The following HCK variants were observed in gnomAD, a reference collection of about 807,000 sequenced individuals.
HCK encodes tyrosine-protein kinase HCK.
In HCK, 40 loss-of-function variants were observed where a neutral mutation model predicts 70.4. That is an observed-to-expected ratio of 0.57 (90% CI 0.44 to 0.74). HCK has a LOEUF of 0.74. Ranked by LOEUF, HCK falls within the 30% of genes least tolerant of loss-of-function variation. The pLI is 0.00. For synonymous variants in HCK, 245 were observed against 263.2 expected (o/e 0.93, Z 0.67); for missense variants, 568 against 697.2 (o/e 0.81, Z 2.09).
intron 6 of HCK, 53 bp from the exon 7 acceptor site, chr20:32,083,841 G>A (rs6142605): frequency 6.2e-7 from 1 of 1,605,676 alleles, no homozygotes; most frequent in East Asian, 2.2e-5. Flanking sequence ...GCTAATGCAA[G>A]GTGGCAGGCC....
intron 1 of HCK, among the ~76,000 whole-genome samples, chr20:32,057,847 G>A (rs1264702872): frequency 6.6e-6 from 1 of 152,128 alleles, no homozygotes; most frequent in East Asian, 1.9e-4. Context: ...TCCCCCACAG[G>A]ACTGGGAGTT....
chr20:32,092,846 C>A (rs933707951), intron 10 of HCK, among the ~76,000 whole-genome samples: 1 of 152,182 alleles, frequency 6.6e-6, no homozygotes, highest in African/African-American at 2.4e-5. Flanking sequence ...TTATTATCAT[C>A]ATTCAGATCT....
At chr20:32,094,704 GAA>G (rs374983027) in intron 11 of HCK, among the ~76,000 whole-genome samples, 2 of 48,868 alleles carry the variant, frequency 4.1e-5, no homozygotes, top group Non-Finnish European at 7.3e-5. Flanking sequence ...GAAAAGAAAA[GAA>G]AAGAAAGAAA....
At chr20:32,052,624 C>A (rs1398853749) in intron 1 of HCK, 138 bp downstream of exon 1, 3 of 568,362 alleles carry the variant, frequency 5.3e-6, no homozygotes, top group African/African-American at 1.9e-5. Flanking sequence ...TCGGGGGAGC[C>A]GCGGGTAGCC....
rs1303771834 is a variant in HCK, at chr20:32,101,853, A to T, written c.*334A>T. The T allele has an allele frequency of 4.8e-6, 1 of 210,240 alleles. No homozygotes were observed. The allele number at this position is 210,240 out of a possible 1,614,324, so 13.0% of individuals were successfully genotyped here. On this transcript the variant is annotated 3_prime_UTR_variant, in exon 13 of 13. Transcript: ENST00000375852. ...AGATATAAATGCCAAAGTCTTTACC[A>T]AAACGTTGGTTTTCCTGTCCTTCCA...
chr20:32,054,564 T>C (rs1052701887), intron 1 of HCK, among the ~76,000 whole-genome samples: 2 of 130,580 alleles, frequency 1.5e-5, no homozygotes, highest in Non-Finnish European at 3.1e-5. Flanking sequence ...CCCAGCACTT[T>C]GGGAGGCTGA....
intron 5 of HCK, among the ~76,000 whole-genome samples, chr20:32,078,440 G>A (rs2045660055): frequency 6.6e-6 from 1 of 152,102 alleles, no homozygotes; most frequent in African/African-American, 2.4e-5. Flanking sequence ...GAGCAACATA[G>A]CATGGTGATT....
chr20:32,069,949 G>T (rs1407645734), intron 1 of HCK, among the ~76,000 whole-genome samples: 5 of 152,194 alleles, frequency 3.3e-5, no homozygotes, highest in Non-Finnish European at 1.5e-5. Flanking sequence ...TTATGTGGTT[G>T]TCACAGCCTG....
In HCK at chr20:32,066,331, T is replaced by TTTGA. The variant is rs60044994; in HGVS notation, c.63-5331_63-5330insTTGA. On this transcript the variant is annotated intron_variant, in intron 1 of 12. Transcript: ENST00000375852. ...TTTTTTTTTTTTTTTTTTTTTTTTTTGACAGAGTCTTGCTCTGTTTCCCAG... is the reference window on the plus strand; with the variant it reads ...TTTTTTTTTTTTTTTTTTTTTTTTTTTTGAGACAGAGTCTTGCTCTGTTTCCCAG... 4.9e-4 allele frequency among the ~76,000 whole-genome samples: 40 copies of TTTGA among 81,908 alleles called. 8 individuals are homozygous for TTTGA. Among genetic ancestry groups the TTTGA allele is most frequent in the African/African-American group, 1.4e-3 (32 of 23,164 alleles). The allele number at this position is 81,908 out of a possible 152,430, so 53.7% of individuals were successfully genotyped here.
At chr20:32,083,404 G>T (rs145919024) in intron 6 of HCK, among the ~76,000 whole-genome samples, 128 of 152,238 alleles carry the variant, frequency 8.4e-4, no homozygotes, top group Middle Eastern at 3.4e-3. Flanking sequence ...GGATTTCTGG[G>T]TTTTTTTCCA....
chr20:32,052,437 T>A lies in HCK; in HGVS notation c.13T>A (p.Ser5Thr), dbSNP rs957448914. ...AGGGGCTGCCGAGCTGGGGGGGCGCTCAAGCTGCGAGGATCCGGGCTGCCC... is the reference window on the plus strand; with the variant it reads ...AGGGGCTGCCGAGCTGGGGGGGCGCACAAGCTGCGAGGATCCGGGCTGCCC... The change falls in exon 1 of 13, where the codon TCA (serine) becomes ACA (threonine). Residue 5 changes from serine (S) to threonine (T), a missense_variant. Around this residue, in one of 4 missense-constraint regions of HCK, gnomAD observed 318 missense variants for 336.0 expected, o/e 0.95. Transcript: ENST00000375852. 37 of 1,280,934 alleles carry A rather than the reference T, an allele frequency of 2.9e-5. No homozygotes were observed. The highest frequency in any genetic ancestry group is 1.1e-5 in the Non-Finnish European group (11 of 1,004,854). 79.3% of individuals were successfully genotyped at this position (1,280,934 alleles called of 1,614,324 possible).
At chr20:32,070,283 T>C (rs2045518425) in intron 1 of HCK, among the ~76,000 whole-genome samples, 1 of 152,180 alleles carries the variant, frequency 6.6e-6, no homozygotes, top group African/African-American at 2.4e-5. Flanking sequence ...TTATTTAAAG[T>C]GCAAATTGAA....
chr20:32,088,701 C>A, intron 10 of HCK, 57 bp downstream of exon 10: 1 of 1,326,706 alleles, frequency 7.5e-7, no homozygotes, highest in Non-Finnish European at 1.1e-6. Flanking sequence ...TTTTTACTTG[C>A]CAAATATTTA....
Position 32,079,724 on chromosome 20 carries a change from C to G in HCK, c.429-50C>G, listed in dbSNP as rs1399315054. Reference sequence around the variant, plus strand: ...CCACAGGCATCCTGTGTAGGCCGGACAGGACTGCATGACCCCAGGTTCACA... The same window carrying G: ...CCACAGGCATCCTGTGTAGGCCGGAGAGGACTGCATGACCCCAGGTTCACA... On this transcript the variant is annotated intron_variant, in intron 5 of 12. Transcript: ENST00000375852. 3.1e-6 allele frequency: 4 copies of G among 1,296,120 alleles called. No individual in the cohort carries two copies. In the Admixed American group the frequency reaches 5.4e-5, roughly 17 times the overall value. 80.3% of individuals were successfully genotyped at this position (1,296,120 alleles called of 1,614,324 possible).
chr20:32,095,271 T>A (rs548077750), intron 11 of HCK, among the ~76,000 whole-genome samples: 1 of 152,142 alleles, frequency 6.6e-6, no homozygotes, highest in Non-Finnish European at 1.5e-5. Context: ...CTTTTTTTTT[T>A]CTTTGAGATG....
At chr20:32,085,229 A>G (rs1253249832) in intron 8 of HCK, among the ~76,000 whole-genome samples, 1 of 152,214 alleles carries the variant, frequency 6.6e-6, no homozygotes, top group Non-Finnish European at 1.5e-5. Context: ...TGCTGCATGC[A>G]AGGCCGGGCA....
intron 11 of HCK, among the ~76,000 whole-genome samples, chr20:32,096,171 C>T (rs543948898): frequency 2.0e-5 from 3 of 151,776 alleles, no homozygotes; most frequent in South Asian, 2.1e-4. Context: ...ATTACAGATG[C>T]GAGCCACTGT....
intron 9 of HCK, among the ~76,000 whole-genome samples, chr20:32,088,149 T>A (rs1392320518): frequency 6.6e-6 from 1 of 152,186 alleles, no homozygotes; most frequent in Non-Finnish European, 1.5e-5. Context: ...CAGGTGATCC[T>A]CTCACCTCGG....
chr20:32,099,350 CTTTTTTTTTTTTTTT>C (rs71336559), intron 12 of HCK, among the ~76,000 whole-genome samples: 1 of 85,134 alleles, frequency 1.2e-5, no homozygotes, highest in Non-Finnish European at 2.0e-5. Context: ...ACTCCTATGA[CTTTTTTTTTTTTTTT>C]TTTTTTTTTT....
Sources: allele counts gnomAD v4.1 joint callset (sites outside exome capture counted in the v4.1 genomes callset), GRCh38; gene constraint gnomAD v4.1.1; regional missense constraint gnomAD v4.1.1; transcripts MANE v1.5; gene names NCBI Gene and HGNC (gene_info 2026-07-23, HGNC 2026-07-21).